The following CPXM2 variants were observed in gnomAD, a reference collection of about 807,000 sequenced individuals.
The protein encoded by CPXM2 is inactive carboxypeptidase-like protein X2.
CPXM2 carries 66 observed loss-of-function variants against 86.1 expected under a neutral mutation model. The observed-to-expected ratio is 0.77, with a 90% CI of 0.63 to 0.94. CPXM2 has a LOEUF of 0.94. Ranked by LOEUF, CPXM2 falls within the 40% of genes least tolerant of loss-of-function variation. CPXM2 has a pLI of 0.00. For synonymous variants in CPXM2, 388 were observed against 400.2 expected, an observed-to-expected ratio of 0.97 and a Z score of 0.36; for missense variants, 948 against 1,026.3, an observed-to-expected ratio of 0.92 and a Z score of 1.04.
At chr10:123,767,247 G>A (rs1846501164) in intron 9 of CPXM2, 95 bp from the exon 10 acceptor site, 1 of 1,172,992 alleles carries the variant, frequency 8.5e-7, no homozygotes, top group Non-Finnish European at 1.2e-6. Flanking sequence ...TCCCCTTGGG[G>A]AATGTCTCTA....
intron 7 of CPXM2, 93 bp from the exon 8 acceptor site, chr10:123,771,132 T>G: frequency 8.3e-7 from 1 of 1,197,794 alleles, no homozygotes; most frequent in East Asian, 2.3e-5. Context: ...CTTGCTTTCC[T>G]CCACAGCCTC....
At chr10:123,880,147 C>CT in intron 2 of CPXM2, 64 bp downstream of exon 2, 1 of 203,080 alleles carries the variant, frequency 4.9e-6, no homozygotes. Context: ...GGGGCCTGTA[C>CT]CCACCCACCC....
intron 4 of CPXM2, among the ~76,000 whole-genome samples, chr10:123,800,872 T>C (rs527912968): frequency 1.3e-5 from 2 of 152,318 alleles, no homozygotes; most frequent in South Asian, 2.1e-4. Context: ...ACTGCAAAGC[T>C]ACATCATATC....
At chr10:123,913,585 T>C (rs189573185) in intron 2 of CPXM2, 1 of 165,812 alleles carries the variant, frequency 6.0e-6, no homozygotes, top group East Asian at 1.7e-4. Context: ...AAAATTTAAA[T>C]AAGTTTTAAA....
chr10:123,794,771 G>GTGTGTGTGTGTGTGT (rs1847292118), intron 6 of CPXM2, among the ~76,000 whole-genome samples: 1 of 143,010 alleles, frequency 7.0e-6, no homozygotes, highest in Non-Finnish European at 1.5e-5. Flanking sequence ...GTGTGTGTGC[G>GTGTGTGTGTGTGTGT]CATGTGTGTG....
intron 2 of CPXM2, among the ~76,000 whole-genome samples, chr10:123,936,711 G>T (rs368451889): frequency 1.3e-5 from 2 of 151,980 alleles, no homozygotes; most frequent in Non-Finnish European, 2.9e-5. Context: ...CACACCCTGC[G>T]GCACTTTCCT....
At chr10:123,930,532 T>C (rs1945659284) in intron 2 of CPXM2, among the ~76,000 whole-genome samples, 1 of 152,210 alleles carries the variant, frequency 6.6e-6, no homozygotes, top group Admixed American at 6.5e-5. Flanking sequence ...GCCAGATTCC[T>C]GGACCCTGCT....
intron 4 of CPXM2, among the ~76,000 whole-genome samples, chr10:123,809,761 A>G (rs1465807630): frequency 6.6e-6 from 1 of 152,104 alleles, no homozygotes; most frequent in East Asian, 1.9e-4. Flanking sequence ...ATTTCTTTCA[A>G]TTTTGCTTAG....
chr10:123,821,532 A>G lies in CPXM2; in HGVS notation c.653+20817T>C, dbSNP rs576299582. ...TTCTGAGCATTCTGCCAACCACGTA[A>G]GTGTGTTCCCACAGCACCGTGGAAT... On this transcript the variant is annotated intron_variant, in intron 4 of 13. Coordinates refer to ENST00000241305, the MANE Select transcript of CPXM2 (RefSeq NM_198148.3). 2.4e-4 allele frequency among the ~76,000 whole-genome samples: 37 copies of G among 152,334 alleles called. 1 individual carries two copies. In the East Asian group the frequency reaches 5.6e-3, roughly 23 times the overall value.
rs201368456 is a variant in CPXM2 at position 123,937,470 on chromosome 10, AACACACACACAC to A, written n.174+1995_174+2006del. Among the ~76,000 whole-genome samples the A allele has an allele frequency of 8.0e-3, 1,064 of 132,648 alleles. 5 individuals carry two copies. Among genetic ancestry groups the A allele is most frequent in the African/African-American group, 0.018 (664 of 36,144 alleles). The allele number at this position is 132,648 out of a possible 152,430, so 87.0% of individuals were successfully genotyped here. On this transcript the variant is annotated intron_variant and non_coding_transcript_variant, in intron 2 of 19. Transcript: ENST00000368854. ...TGTTAGAAAAACAAGACAACAAAAC[AACACACACACAC>A]ACACACACACACACACACACACACA...
intron 4 of CPXM2, among the ~76,000 whole-genome samples, chr10:123,839,295 G>A (rs1336320637): frequency 1.3e-5 from 2 of 152,168 alleles, no homozygotes; most frequent in African/African-American, 2.4e-5. Flanking sequence ...CCAGACACCT[G>A]TGGCTTCTCA....
At chr10:123,750,457 C>T in intron 13 of CPXM2, 1 of 985,290 alleles carries the variant, frequency 1.0e-6, no homozygotes. Context: ...CTATTCTTTG[C>T]TCTTCTAAAG....
intron 2 of CPXM2, among the ~76,000 whole-genome samples, chr10:123,929,924 C>T (rs1279416848): frequency 6.6e-6 from 1 of 152,198 alleles, no homozygotes; most frequent in African/African-American, 2.4e-5. Flanking sequence ...GTAGGGCGTC[C>T]CTGGTGTGCC....
chr10:123,893,267 C>T (rs985902261), upstream of CPXM2, among the ~76,000 whole-genome samples: 2 of 152,190 alleles, frequency 1.3e-5, no homozygotes, highest in South Asian at 2.1e-4. Flanking sequence ...TGTGATCCTA[C>T]GATGCCACTG....
intron 11 of CPXM2, among the ~76,000 whole-genome samples, chr10:123,758,065 C>T (rs113938344): frequency 3.9e-5 from 6 of 152,234 alleles, no homozygotes; most frequent in African/African-American, 1.4e-4. Flanking sequence ...CTTGGGGACT[C>T]GTAGGCAAAC....
chr10:123,810,665 ATT>A (rs1267685746), intron 4 of CPXM2, among the ~76,000 whole-genome samples: 1 of 152,124 alleles, frequency 6.6e-6, no homozygotes, highest in Admixed American at 6.5e-5. Context: ...GAAACTTTAA[ATT>A]TTTATTGAAT....
At chr10:123,855,949 G>T (rs1848713603) in intron 3 of CPXM2, among the ~76,000 whole-genome samples, 1 of 152,048 alleles carries the variant, frequency 6.6e-6, no homozygotes, top group Admixed American at 6.6e-5. Flanking sequence ...TCTCTCTAGG[G>T]GACCAAACTC....
intron 4 of CPXM2, among the ~76,000 whole-genome samples, chr10:123,800,159 AC>A (rs1217106793): frequency 6.6e-6 from 1 of 150,886 alleles, no homozygotes; most frequent in African/African-American, 2.4e-5. Flanking sequence ...CTGAATTTAT[AC>A]TGCCCAGTAG....
intron 11 of CPXM2, among the ~76,000 whole-genome samples, chr10:123,758,010 C>T (rs921812847): frequency 1.3e-5 from 2 of 152,132 alleles, no homozygotes; most frequent in African/African-American, 4.8e-5. Flanking sequence ...GGTTTGGGCC[C>T]AGGTCTGCAT....
Sources: gnomAD v4.1 joint callset for allele counts (sites outside exome capture counted in the v4.1 genomes callset) on GRCh38, gnomAD v4.1.1 for gene constraint, MANE v1.5 for transcripts, NCBI Gene and HGNC (gene_info 2026-07-23, HGNC 2026-07-21) for gene names.